ISY1: variants seen among roughly 807,000 people sequenced by gnomAD.
ISY1 encodes ISY1 spliceosome associated protein.
A neutral mutation model predicts 54.4 loss-of-function variants in ISY1; 12 were observed. The observed-to-expected ratio is 0.22, with a 90% CI of 0.14 to 0.36. The LOEUF (loss-of-function observed/expected upper bound fraction) is 0.36. ISY1 is among the 10% of genes least tolerant of loss of function. The probability of loss-of-function intolerance (pLI) is 1.00; values close to 1 mark genes in which losing one functional copy is unlikely to be tolerated. For missense variants in ISY1, 282 were observed against 342.2 expected, an observed-to-expected ratio of 0.82 and a Z score of 1.39; for synonymous variants, 96 against 117.9, an observed-to-expected ratio of 0.81 and a Z score of 1.20.
chr3:129,139,171 G>T (rs948433882), intron 7 of ISY1, among the ~76,000 whole-genome samples: 16 of 152,054 alleles, frequency 1.1e-4, no homozygotes, highest in South Asian at 2.1e-4. Flanking sequence ...TCCTGACCTT[G>T]TGATTCTCCC....
intron 8 of ISY1, among the ~76,000 whole-genome samples, chr3:129,134,493 T>C (rs1209068272): frequency 6.6e-6 from 1 of 152,200 alleles, no homozygotes; most frequent in African/African-American, 2.4e-5. Context: ...GGGCAGAGCA[T>C]GCTAGAAAGC....
intron 5 of ISY1, among the ~76,000 whole-genome samples, chr3:129,150,014 T>C (rs1359812233): frequency 2.0e-5 from 3 of 151,560 alleles, no homozygotes. Flanking sequence ...TGACCATTTA[T>C]GTGTGGCTCT....
chr3:129,132,732 C>T (rs1401212138), intron 9 of ISY1, among the ~76,000 whole-genome samples: 2 of 152,192 alleles, frequency 1.3e-5, no homozygotes, highest in East Asian at 1.9e-4. Context: ...ACCTGGAATG[C>T]GGCTGGCTCA....
Position 129,137,677 on chromosome 3 carries a change from G to A in ISY1, c.418+2691C>T, listed in dbSNP as rs150180973. Among the ~76,000 whole-genome samples, 626 of 151,524 alleles carry A rather than the reference G, an allele frequency of 4.1e-3. 9 individuals are homozygous for A. The East Asian group carries it at 0.049, about 12-fold the overall frequency. ...TGTTATCCCAGCACTTTGGGAGGCC[G>A]AGGCGGGCGGATCACGAGGTCAGGA... On this transcript the variant is annotated intron_variant, in intron 7 of 10. Coordinates refer to ENST00000393295, the MANE Select transcript of ISY1 (RefSeq NM_020701.4).
chr3:129,142,188 CAGAGCG>C (rs374657353), intron 6 of ISY1, among the ~76,000 whole-genome samples: 5 of 135,314 alleles, frequency 3.7e-5, no homozygotes, highest in African/African-American at 1.1e-4. Context: ...GCCTGGACGA[CAGAGCG>C]AGACTCTGTC....
rs1936341666 is a variant in ISY1, at chr3:129,134,812, T to C, written c.541+20A>G. 1.9e-6 allele frequency: 3 copies of C among 1,593,168 alleles called. No homozygotes were observed. The highest frequency in any genetic ancestry group is 2.6e-6 in the Non-Finnish European group (3 of 1,168,764). ...AAAACAGATGCCATCTATTATGAAATAAAATGCCCAGAGACCTACGTTTCT... is the reference window on the plus strand; with the variant it reads ...AAAACAGATGCCATCTATTATGAAACAAAATGCCCAGAGACCTACGTTTCT... On this transcript the variant is annotated intron_variant, in intron 8 of 10. Coordinates refer to ENST00000393295, the MANE Select transcript of ISY1 (RefSeq NM_020701.4).
intron 5 of ISY1, among the ~76,000 whole-genome samples, chr3:129,150,596 C>G (rs1023756005): frequency 2.0e-5 from 3 of 151,944 alleles, no homozygotes; most frequent in Admixed American, 6.6e-5. Context: ...GCCTGTAGTC[C>G]CAGCTACTCG....
In ISY1 at chr3:129,140,416, C is replaced by T. The variant is rs1936572917; in HGVS notation, c.370G>A (p.Gly124Arg). 2 of 1,613,150 alleles carry T rather than the reference C, an allele frequency of 1.2e-6. No homozygotes were observed. Among genetic ancestry groups the T allele is most frequent in the Non-Finnish European group, 8.5e-7 (1 of 1,179,844 alleles). The stretch of plus-strand genomic sequence containing the variant: ...ACACCAGGCAAATCTTTTGCTGCTC[C>T]AAAGTACTTGTAACCTCGGTTTCCT... ...VPGNRGYKYF[G>R]AAKDLPGVRE... is the part of the protein sequence containing the mutation. The change falls in exon 7 of 11, where the codon GGA becomes AGA. Residue 124 changes from glycine (G) to arginine (R), a missense_variant. By Grantham distance (125) the Gly-to-Arg change is moderately radical. This residue lies in a region of ISY1 where 279 missense variants were observed against 323.6 expected (regional missense o/e 0.86). Transcript: ENST00000393295.
chr3:129,130,198 T>C lies in ISY1; in HGVS notation c.751-10A>G. On this transcript the variant is annotated splice_polypyrimidine_tract_variant and intron_variant, in intron 10 of 10. Transcript: ENST00000393295. Reference sequence around the variant, plus strand: ...CCAGTGCCTCCTCAATCTGTGGAAATTAAGAGTGCAGGGCTCACTCCTCAG... The same window carrying C: ...CCAGTGCCTCCTCAATCTGTGGAAACTAAGAGTGCAGGGCTCACTCCTCAG... 6.3e-7 allele frequency: 1 copy of C among 1,598,590 alleles called. No homozygotes were observed. The highest frequency in any genetic ancestry group is 8.5e-7 in the Non-Finnish European group (1 of 1,173,614).
intron 1 of ISY1, 31 bp downstream of exon 1, chr3:129,160,942 A>ACCCCCCCCCCCCCCCCCCC: frequency 4.7e-6 from 1 of 212,172 alleles, no homozygotes; most frequent in Non-Finnish European, 8.9e-6. Flanking sequence ...CCGCCCATCC[A>ACCCCCCCCCCCCCCCCCCC]CTCGCTCCCT....
chr3:129,149,610 A>AAT lies in ISY1; in HGVS notation c.188-3739_188-3738dup, dbSNP rs1199049568. On this transcript the variant is annotated intron_variant, in intron 5 of 10. Transcript: ENST00000393295. ...AAAAAAAAAAAAAAAAAAAAAAAAA[A>AAT]ATATATATATATATATATATATATA... Among the ~76,000 whole-genome samples, 220 of 24,606 alleles carry AAT rather than the reference A, an allele frequency of 8.9e-3. 2 individuals carry two copies. The highest frequency in any genetic ancestry group is 0.018 in the African/African-American group (154 of 8,416). 16.1% of individuals were successfully genotyped at this position (24,606 alleles called of 152,430 possible).
At chr3:129,152,895 T>G (rs926048648) in intron 5 of ISY1, among the ~76,000 whole-genome samples, 2 of 152,140 alleles carry the variant, frequency 1.3e-5, no homozygotes, top group Admixed American at 1.3e-4. Flanking sequence ...GGAAACTATG[T>G]GGAGTTGGTA....
chr3:129,148,709 C>T (rs764401953), intron 5 of ISY1, among the ~76,000 whole-genome samples: 6 of 152,170 alleles, frequency 3.9e-5, no homozygotes, highest in East Asian at 1.9e-4. Context: ...GGATTACAGG[C>T]GTGAGCCACC....
chr3:129,142,284 A>G (rs1936644113), intron 6 of ISY1, among the ~76,000 whole-genome samples: 1 of 152,162 alleles, frequency 6.6e-6, no homozygotes, highest in Non-Finnish European at 1.5e-5. Flanking sequence ...CTGCAGGGGA[A>G]ATGCTACCAA....
At chr3:129,148,534 T>C (rs911067330) in intron 5 of ISY1, among the ~76,000 whole-genome samples, 2 of 152,254 alleles carry the variant, frequency 1.3e-5, no homozygotes, top group African/African-American at 2.4e-5. Context: ...GACTATTATG[T>C]TAAACACATG....
chr3:129,131,696 A>G (rs1936242097), intron 9 of ISY1, among the ~76,000 whole-genome samples: 1 of 152,232 alleles, frequency 6.6e-6, no homozygotes, highest in Non-Finnish European at 1.5e-5. Flanking sequence ...GTTAAGTGTC[A>G]AGGCCATCGT....
intron 5 of ISY1, among the ~76,000 whole-genome samples, chr3:129,155,835 C>T (rs1453979198): frequency 1.3e-5 from 2 of 151,870 alleles, no homozygotes; most frequent in Non-Finnish European, 2.9e-5. Context: ...GATTCTCCTG[C>T]CTCAGCCTCC....
rs1466448314 is a variant in ISY1, at chr3:129,161,051, G to A, written c.-76C>T. ...CTCCACAGGCCCAGAAGACGCCGAC[G>A]CTCACAGGAACTGAAGATTCCAACT... On this transcript the variant is annotated 5_prime_UTR_variant, in exon 1 of 11. Coordinates refer to ENST00000393295, the MANE Select transcript of ISY1 (RefSeq NM_020701.4). 1 of 1,534,510 alleles carries A rather than the reference G, an allele frequency of 6.5e-7. No individual in the cohort carries two copies.
intron 6 of ISY1, among the ~76,000 whole-genome samples, chr3:129,142,282 G>A (rs1304889857): frequency 1.5e-4 from 22 of 151,714 alleles, no homozygotes; most frequent in Admixed American, 1.4e-3. Flanking sequence ...TACTGCAGGG[G>A]AAATGCTACC....
Sources: allele counts gnomAD v4.1 joint callset (sites outside exome capture counted in the v4.1 genomes callset), GRCh38; gene constraint gnomAD v4.1.1; regional missense constraint gnomAD v4.1.1; transcripts MANE v1.5; gene names NCBI Gene and HGNC (gene_info 2026-07-23, HGNC 2026-07-21).